WDR37: variants seen among roughly 807,000 people sequenced by gnomAD.
WDR37 encodes WD repeat-containing protein 37.
WDR37 carries 19 observed loss-of-function variants against 62.9 expected under a neutral mutation model. That is an observed-to-expected ratio of 0.30 (90% confidence interval 0.21 to 0.44). The LOEUF is 0.44. Among genes scored for constraint, WDR37 ranks in the 20% least tolerant of loss-of-function variants. WDR37 has a pLI of 1.00. For synonymous variants in WDR37, 250 were observed against 260.9 expected (o/e 0.96, Z 0.40); for missense variants, 474 against 657.6 (o/e 0.72, Z 3.05).
rs1381978934 is a variant in WDR37, at chr10:1,105,412, C to G, written c.1103+145C>G. 6.9e-6 allele frequency: 8 copies of G among 1,151,678 alleles called. No homozygotes were observed. The highest frequency in any genetic ancestry group is 3.2e-5 in the South Asian group (2 of 62,836). The allele number at this position is 1,151,678 out of a possible 1,614,324, so 71.3% of individuals were successfully genotyped here. A position where few individuals can be genotyped will look rare whatever the true frequency, so the allele number is the denominator to read the frequency against. On this transcript the variant is annotated intron_variant, in intron 11 of 13. Coordinates refer to ENST00000263150, the MANE Select transcript of WDR37 (RefSeq NM_014023.4). The surrounding 1 kb of genome is among the most constrained non-coding windows in gnomAD (Gnocchi z 5.3). ...TAACTACCTTTCAAATTCTGCTATT[C>G]TTTTTCTAAACATTTAGCTCCATTT...
intron 11 of WDR37, among the ~76,000 whole-genome samples, chr10:1,116,843 G>A (rs1350920631): frequency 6.6e-6 from 1 of 151,814 alleles, no homozygotes; most frequent in Non-Finnish European, 1.5e-5. Flanking sequence ...CTGCCAAGGA[G>A]ACGTTAGCAG....
At chr10:1,061,797 A>G (rs1589070898) in intron 1 of WDR37, among the ~76,000 whole-genome samples, 1 of 150,444 alleles carries the variant, frequency 6.6e-6, no homozygotes, top group African/African-American at 2.5e-5. Context: ...CGAGGTTAAC[A>G]CCACTGCACT....
chr10:1,123,491 A>T (rs567075362), intron 11 of WDR37, among the ~76,000 whole-genome samples: 1 of 152,164 alleles, frequency 6.6e-6, no homozygotes, highest in East Asian at 1.9e-4. Flanking sequence ...GGGATCTTAG[A>T]TGAGGGGGAT....
chr10:1,119,747 CT>C (rs1421300409), intron 11 of WDR37, among the ~76,000 whole-genome samples: 3 of 152,250 alleles, frequency 2.0e-5, no homozygotes, highest in African/African-American at 7.2e-5. Flanking sequence ...TCCTCCTCTT[CT>C]GCACACTGTC....
chr10:1,085,131 ATT>A (rs397944300), intron 6 of WDR37, among the ~76,000 whole-genome samples: 5 of 143,354 alleles, frequency 3.5e-5, no homozygotes, highest in Admixed American at 6.9e-5. Context: ...CGCCTGGCTA[ATT>A]TTTTTTTTTT....
intron 5 of WDR37, among the ~76,000 whole-genome samples, chr10:1,082,294 T>G (rs1834051947): frequency 6.6e-6 from 1 of 152,204 alleles, no homozygotes; most frequent in Admixed American, 6.5e-5. Context: ...CCTGGTGGGA[T>G]AGCGGGAACA....
rs754552465 is a variant in WDR37 at position 1,124,199 on chromosome 10, C to T, written c.1104-19C>T. ...CCTGCACCTGCTGTTGCATCTGACT[C>T]TGTGCCCTTTGTTCATAGCACTGTG... On this transcript the variant is annotated intron_variant, in intron 11 of 13. Coordinates refer to ENST00000263150, the MANE Select transcript of WDR37 (RefSeq NM_014023.4). 3 of 1,613,964 alleles carry T rather than the reference C, an allele frequency of 1.9e-6. No individual in the cohort carries two copies. In the African/African-American group the frequency reaches 4.0e-5, roughly 22 times the overall value.
At chr10:1,079,630 G>C (rs1313112599) in intron 3 of WDR37, among the ~76,000 whole-genome samples, 2 of 151,660 alleles carry the variant, frequency 1.3e-5, no homozygotes, top group South Asian at 2.1e-4. Flanking sequence ...TGCCTCCCGG[G>C]TTCAAGCAAT....
At chr10:1,092,896 A>AAAAAAAAAAG (rs1589100853) in intron 7 of WDR37, among the ~76,000 whole-genome samples, 1 of 150,898 alleles carries the variant, frequency 6.6e-6, no homozygotes, top group African/African-American at 2.4e-5. Context: ...AAAAAAAAAA[A>AAAAAAAAAAG]AAGAAGACCT....
intron 2 of WDR37, among the ~76,000 whole-genome samples, chr10:1,076,869 G>A (rs1174602156): frequency 6.6e-6 from 1 of 150,628 alleles, no homozygotes; most frequent in African/African-American, 2.4e-5. Flanking sequence ...GTGTGGTGGC[G>A]CACGCCTATA....
chr10:1,087,950 T>C (rs1433773176), intron 7 of WDR37, among the ~76,000 whole-genome samples: 1 of 152,220 alleles, frequency 6.6e-6, no homozygotes, highest in Non-Finnish European at 1.5e-5. Context: ...ACCAATGAGC[T>C]CAGCTGGATC....
intron 7 of WDR37, among the ~76,000 whole-genome samples, chr10:1,090,590 C>G (rs1002135409): frequency 6.6e-6 from 1 of 151,994 alleles, no homozygotes; most frequent in East Asian, 1.9e-4. Context: ...CTCTTGGGTC[C>G]TCTGAGCACA....
At chr10:1,081,702 T>C (rs1589089730) in intron 5 of WDR37, among the ~76,000 whole-genome samples, 3 of 152,242 alleles carry the variant, frequency 2.0e-5, no homozygotes, top group African/African-American at 7.2e-5. Context: ...TTGAACTTTT[T>C]AATAAATTAA....
chr10:1,074,558 G>C, intron 2 of WDR37: 1 of 1,301,182 alleles, frequency 7.7e-7, no homozygotes. Context: ...CTGGGCGGGA[G>C]AGGTGAGTGG....
chr10:1,080,144 A>G, intron 4 of WDR37, 38 bp downstream of exon 4: 1 of 1,603,946 alleles, frequency 6.2e-7, no homozygotes, highest in Non-Finnish European at 8.5e-7. Flanking sequence ...CCTGCAGATT[A>G]TACATGCAGG....
intron 7 of WDR37, among the ~76,000 whole-genome samples, chr10:1,088,110 A>G (rs1052769777): frequency 1.3e-5 from 2 of 152,130 alleles, no homozygotes; most frequent in South Asian, 4.1e-4. Flanking sequence ...CACAGCCCTC[A>G]GGGAATTGAG....
rs180728743 is a variant in WDR37 at position 1,096,958 on chromosome 10, G to C, written c.726+712G>C. Among the ~76,000 whole-genome samples, 15 of 152,284 alleles carry C rather than the reference G, an allele frequency of 9.9e-5. No individual in the cohort carries two copies. In the East Asian group the frequency reaches 2.9e-3, roughly 29 times the overall value. On this transcript the variant is annotated intron_variant, in intron 9 of 13. Coordinates refer to ENST00000263150, the MANE Select transcript of WDR37 (RefSeq NM_014023.4). ...TGTTGTGGAAAAGTGGATGTTGAAG[G>C]CCTTTCTGCTGAGGCTTAGAGGAGG...
At chr10:1,127,280 A>G (rs1462801925) in intron 13 of WDR37, among the ~76,000 whole-genome samples, 1 of 152,258 alleles carries the variant, frequency 6.6e-6, no homozygotes, top group Non-Finnish European at 1.5e-5. Flanking sequence ...ATCTGTGAAC[A>G]TTCAACTTTG....
rs74117815 is a variant in WDR37, at chr10:1,089,085, C to T, written c.604+2728C>T. 5.8e-3 allele frequency among the ~76,000 whole-genome samples: 883 copies of T among 152,222 alleles called. 11 individuals are homozygous for T. The highest frequency in any genetic ancestry group is 0.02 in the African/African-American group (837 of 41,530). On this transcript the variant is annotated intron_variant, in intron 7 of 13. Coordinates refer to ENST00000263150, the MANE Select transcript of WDR37 (RefSeq NM_014023.4). The stretch of plus-strand genomic sequence containing the variant: ...CCCTTGTTCTAAGGGAGTTGTCCTT[C>T]AAGGGTGTGTCTTCACAGGCCCTGA...
Sources: gnomAD v4.1 joint callset for allele counts (sites outside exome capture counted in the v4.1 genomes callset) on GRCh38, gnomAD v4.1.1 for gene constraint, Gnocchi (gnomAD v3.1) non-coding constraint, MANE v1.5 for transcripts, NCBI Gene and HGNC (gene_info 2026-07-23, HGNC 2026-07-21) for gene names.